The following NKAIN3 variants were observed in gnomAD, a reference collection of about 807,000 sequenced individuals.
The protein encoded by NKAIN3 is sodium/potassium transporting ATPase interacting 3, also known as sodium/potassium-transporting ATPase subunit beta-1-interacting protein 3.
NKAIN3 carries 25 observed loss-of-function variants against 30.2 expected under a neutral mutation model. The observed-to-expected ratio is 0.83, with a 90% confidence interval of 0.60 to 1.16. The LOEUF is 1.16. Among genes scored for constraint, NKAIN3 ranks in the 50% most tolerant of loss-of-function variants. The pLI, the probability that NKAIN3 is intolerant of heterozygous loss-of-function variation, is 0.00. For synonymous variants in NKAIN3, 91 were observed against 89.6 expected (o/e 1.02, Z -0.09); for missense variants, 225 against 254.1 (o/e 0.89, Z 0.78).
In NKAIN3 at chr8:62,628,414, A is replaced by T. The variant is rs780451799; in HGVS notation, c.273+38620A>T. ...CACAGCGAATTTTGCACATTTTGTCATCACCTGTATTTGAAAATAGGATGT... is the reference window on the plus strand; with the variant it reads ...CACAGCGAATTTTGCACATTTTGTCTTCACCTGTATTTGAAAATAGGATGT... On this transcript the variant is annotated intron_variant, in intron 3 of 6. Coordinates refer to ENST00000623646, the MANE Select transcript of NKAIN3 (RefSeq NM_001304533.3). Among the ~76,000 whole-genome samples, 7 of 152,292 alleles carry T rather than the reference A, an allele frequency of 4.6e-5. No individual in the cohort carries two copies. The East Asian group carries it at 1.4e-3, about 29-fold the overall frequency.
Position 62,487,371 on chromosome 8 carries a change from C to T in NKAIN3, c.55-92168C>T, listed in dbSNP as rs77003000. ...ACTGGATAAAGGACTGCACTTTTCA[C>T]GGATGGCAGTAGTTGGAACCTTAAA... On this transcript the variant is annotated intron_variant, in intron 1 of 6. Coordinates refer to ENST00000623646, the MANE Select transcript of NKAIN3 (RefSeq NM_001304533.3). Among the ~76,000 whole-genome samples, 1,046 of 152,228 alleles carry T rather than the reference C, an allele frequency of 6.9e-3. 29 individuals are homozygous for T. Among genetic ancestry groups the T allele is most frequent in the East Asian group, 0.054 (278 of 5,168 alleles).
At chr8:62,284,975 G>A (rs544268175) in intron 1 of NKAIN3, among the ~76,000 whole-genome samples, 2 of 152,244 alleles carry the variant, frequency 1.3e-5, no homozygotes, top group East Asian at 3.9e-4. Context: ...GTGAAAAATA[G>A]CAAAGCAGTT....
chr8:62,702,378 G>A (rs974519224), intron 3 of NKAIN3, among the ~76,000 whole-genome samples: 12 of 152,120 alleles, frequency 7.9e-5, no homozygotes, highest in African/African-American at 2.7e-4. Flanking sequence ...AAAAAACTGG[G>A]ATGGGGTCAA....
intron 1 of NKAIN3, among the ~76,000 whole-genome samples, chr8:62,308,194 G>A (rs1814315245): frequency 6.7e-6 from 1 of 150,326 alleles, no homozygotes; most frequent in African/African-American, 2.5e-5. Context: ...TTTTTCTTGA[G>A]GATAACTCTG....
intron 1 of NKAIN3, among the ~76,000 whole-genome samples, chr8:62,352,717 C>T (rs1816221797): frequency 6.6e-6 from 1 of 152,198 alleles, no homozygotes; most frequent in Non-Finnish European, 1.5e-5. Flanking sequence ...AACTGAACTG[C>T]TAACCACCAT....
chr8:62,289,653 G>A (rs1430104140), intron 1 of NKAIN3, among the ~76,000 whole-genome samples: 1 of 152,134 alleles, frequency 6.6e-6, no homozygotes, highest in Non-Finnish European at 1.5e-5. Flanking sequence ...TAGGCTTGTA[G>A]TATAGTTTGA....
At chr8:62,804,799 A>G (rs1192785446) in intron 4 of NKAIN3, among the ~76,000 whole-genome samples, 1 of 152,186 alleles carries the variant, frequency 6.6e-6, no homozygotes, top group Non-Finnish European at 1.5e-5. Flanking sequence ...AGTTCTGGCC[A>G]GGGCAATTAG....
intron 5 of NKAIN3, among the ~76,000 whole-genome samples, chr8:62,921,482 T>C (rs1412783718): frequency 1.3e-5 from 2 of 152,168 alleles, no homozygotes; most frequent in Admixed American, 6.5e-5. Flanking sequence ...CGAAGGGTAA[T>C]AAATACTTGA....
intron 1 of NKAIN3, among the ~76,000 whole-genome samples, chr8:62,275,011 T>A (rs1212933340): frequency 9.2e-5 from 14 of 152,222 alleles, no homozygotes. Context: ...GACATTTGGG[T>A]TGGTTCCAAA....
At chr8:62,459,412 C>G (rs1805921586) in intron 1 of NKAIN3, among the ~76,000 whole-genome samples, 1 of 152,152 alleles carries the variant, frequency 6.6e-6, no homozygotes, top group South Asian at 2.1e-4. Flanking sequence ...ATCACTACTC[C>G]CCTACAGACA....
At chr8:62,474,761 A>G (rs1054234191) in intron 1 of NKAIN3, among the ~76,000 whole-genome samples, 1 of 152,240 alleles carries the variant, frequency 6.6e-6, no homozygotes, top group South Asian at 2.1e-4. Context: ...ATCATCAAAA[A>G]TGCTAAAAAG....
chr8:62,858,845 G>A (rs996426543), intron 4 of NKAIN3, among the ~76,000 whole-genome samples: 6 of 152,320 alleles, frequency 3.9e-5, no homozygotes, highest in Admixed American at 2.6e-4. Context: ...GTCTTGTGAG[G>A]TGCCATGGAA....
chr8:62,609,877 C>A (rs1811238016), intron 3 of NKAIN3, among the ~76,000 whole-genome samples: 1 of 152,108 alleles, frequency 6.6e-6, no homozygotes, highest in Non-Finnish European at 1.5e-5. Context: ...AGAGCAATGG[C>A]AAGATCCTAC....
intron 4 of NKAIN3, among the ~76,000 whole-genome samples, chr8:62,867,407 G>A (rs1029094350): frequency 1.3e-5 from 2 of 152,114 alleles, no homozygotes; most frequent in African/African-American, 4.8e-5. Context: ...TGTATAATCA[G>A]TACATGATAT....
chr8:62,578,264 C>T (rs542064222), intron 1 of NKAIN3, among the ~76,000 whole-genome samples: 7 of 152,142 alleles, frequency 4.6e-5, no homozygotes, highest in African/African-American at 1.7e-4. Context: ...ATATGAAATG[C>T]ATCTGTTTCA....
chr8:62,931,332 A>G (rs560033309), intron 5 of NKAIN3, among the ~76,000 whole-genome samples: 92 of 152,330 alleles, frequency 6.0e-4, no homozygotes, highest in Non-Finnish European at 4.1e-4. Context: ...AAAATTTTGA[A>G]TTGGTTTCAG....
intron 3 of NKAIN3, among the ~76,000 whole-genome samples, chr8:62,642,290 A>C (rs1812334199): frequency 6.6e-6 from 1 of 152,162 alleles, no homozygotes; most frequent in Admixed American, 6.6e-5. Flanking sequence ...AACCTCAGTC[A>C]GAATTTTGTA....
At chr8:62,749,718 T>A (rs956734631) in intron 4 of NKAIN3, among the ~76,000 whole-genome samples, 1 of 148,886 alleles carries the variant, frequency 6.7e-6, no homozygotes, top group Non-Finnish European at 1.5e-5. Context: ...GTTTTGCTCT[T>A]GTTGCCCAGG....
intron 4 of NKAIN3, among the ~76,000 whole-genome samples, chr8:62,813,234 C>T (rs949597376): frequency 4.6e-5 from 7 of 151,992 alleles, no homozygotes; most frequent in African/African-American, 1.7e-4. Flanking sequence ...TATCATGTGA[C>T]TTTGGTTATT....
Sources: gnomAD v4.1 joint callset for allele counts (sites outside exome capture counted in the v4.1 genomes callset) on GRCh38, gnomAD v4.1.1 for gene constraint, MANE v1.5 for transcripts, NCBI Gene and HGNC (gene_info 2026-07-23, HGNC 2026-07-21) for gene names.